DMD: variants seen among roughly 807,000 people sequenced by gnomAD.
The protein encoded by DMD is dystrophin.
Under a neutral mutation model 330.1 loss-of-function variants are expected in DMD, and 63 were observed. The ratio of observed to expected loss-of-function variants is 0.19; its 90% CI spans 0.16 to 0.24. The LOEUF is 0.24. DMD is among the 10% of genes least tolerant of loss of function. The pLI is 1.00. For missense variants in DMD, 3,344 were observed against 2,684.1 expected (o/e 1.25, Z -5.43); for synonymous variants, 1,223 against 959.8 (o/e 1.27, Z -5.07).
intron 60 of DMD, among the ~76,000 whole-genome samples, chrX:31,381,825 C>T (rs2060198344): frequency 8.9e-6 from 1 of 111,910 alleles, no homozygotes; most frequent in African/African-American, 3.3e-5. Flanking sequence ...AAAGAAATAA[C>T]TTCTCAGTGT....
chrX:31,331,447 GA>G (rs989221432), intron 61 of DMD, among the ~76,000 whole-genome samples: 47 of 106,893 alleles, frequency 4.4e-4, no homozygotes, highest in African/African-American at 1.4e-3. Context: ...AAAAAAAAAA[GA>G]AAAAAAAGCT....
At chrX:32,899,002 T>A (rs917443963) in intron 2 of DMD, among the ~76,000 whole-genome samples, 1 of 112,236 alleles carries the variant, frequency 8.9e-6, no homozygotes. Flanking sequence ...TAAAAAAAAG[T>A]GCTCAACTTA....
intron 55 of DMD, among the ~76,000 whole-genome samples, chrX:31,518,631 C>G (rs761709871): frequency 6.5e-5 from 7 of 108,208 alleles, no homozygotes; most frequent in Admixed American, 4.0e-4. Context: ...AACTCTGAGA[C>G]ATATTTGTTT....
At chrX:32,436,688 C>T (rs2098262590) in intron 29 of DMD, among the ~76,000 whole-genome samples, 1 of 111,140 alleles carries the variant, frequency 9.0e-6, no homozygotes, top group Non-Finnish European at 1.9e-5. Flanking sequence ...GGATCTTGGC[C>T]AGGTGTATCT....
intron 7 of DMD, among the ~76,000 whole-genome samples, chrX:32,733,003 G>A (rs2067921212): frequency 9.0e-6 from 1 of 110,862 alleles, no homozygotes; most frequent in African/African-American, 3.3e-5. Context: ...TCAGTGAGCT[G>A]TATTCAGGAA....
chrX:32,342,015 T>G, intron 41 of DMD, 85 bp downstream of exon 41: 3 of 947,266 alleles, frequency 3.2e-6, no homozygotes, highest in Non-Finnish European at 4.3e-6. Context: ...CCCAGATTTT[T>G]TGTCTCTTTT....
chrX:32,804,331 C>G (rs2076799766), intron 7 of DMD, among the ~76,000 whole-genome samples: 2 of 112,171 alleles, frequency 1.8e-5, no homozygotes, highest in African/African-American at 6.5e-5. Context: ...AGGCGGTTTT[C>G]CCTCACAGTG....
intron 63 of DMD, among the ~76,000 whole-genome samples, chrX:31,225,910 C>T (rs926838965): frequency 2.7e-5 from 3 of 112,020 alleles, no homozygotes; most frequent in Non-Finnish European, 5.6e-5. Flanking sequence ...GTTTTGTACC[C>T]ATTGGCTAAT....
intron 55 of DMD, 149 bp from the exon 56 acceptor site, chrX:31,507,602 A>C: frequency 6.5e-5 from 37 of 570,007 alleles, no homozygotes; most frequent in Non-Finnish European, 9.0e-5. Context: ...GATACATCTC[A>C]AATCCCTTTT....
chrX:31,993,892 CAG>C (rs983814699), intron 44 of DMD, among the ~76,000 whole-genome samples: 4 of 111,519 alleles, frequency 3.6e-5, no homozygotes, highest in African/African-American at 9.8e-5. Flanking sequence ...TGGAAGCAAA[CAG>C]AGGAAAACAG....
chrX:32,495,335 A>G (rs959433330), intron 19 of DMD, among the ~76,000 whole-genome samples: 3 of 111,877 alleles, frequency 2.7e-5, no homozygotes, highest in African/African-American at 6.5e-5. Context: ...AACTCATTCA[A>G]TACCAAATCA....
intron 9 of DMD, among the ~76,000 whole-genome samples, chrX:32,665,892 T>C (rs1011768312): frequency 1.2e-4 from 13 of 111,765 alleles, no homozygotes; most frequent in African/African-American, 3.9e-4. Flanking sequence ...TTTATATTTA[T>C]GAAAGATCAT....
intron 43 of DMD, among the ~76,000 whole-genome samples, chrX:32,235,590 T>C (rs1240807375): frequency 9.0e-6 from 1 of 111,696 alleles, no homozygotes; most frequent in Non-Finnish European, 1.9e-5. Context: ...ATTAGATATT[T>C]AATTTGAAGT....
In DMD at chrX:32,880,284, C is replaced by A. The variant is rs867763569; in HGVS notation, c.94-30464G>T. ...AATAGGCTGAAAGCTCCAACAGGGCCAAAAAAAAAAAAGCCTTTTTCAGCT... is the reference window on the plus strand; with the variant it reads ...AATAGGCTGAAAGCTCCAACAGGGCAAAAAAAAAAAAAGCCTTTTTCAGCT... On this transcript the variant is annotated intron_variant, in intron 2 of 78. Transcript: ENST00000357033. Among the ~76,000 whole-genome samples the A allele has an allele frequency of 3.4e-3, 293 of 84,940 alleles. 5 individuals carry two copies. The East Asian group carries it at 0.052, about 15-fold the overall frequency. 73.8% of individuals were successfully genotyped at this position (84,940 alleles called of 115,157 possible). A position where few individuals can be genotyped will look rare whatever the true frequency, so the allele number is the denominator to read the frequency against.
chrX:31,178,608 A>G, intron 70 of DMD, 61 bp downstream of exon 70: 1 of 1,150,163 alleles, frequency 8.7e-7, no homozygotes. Flanking sequence ...GAGGGTGTTC[A>G]GCTGAGAGGA....
Position 31,248,058 on chromosome X carries a change from A to C in DMD, c.9286+12897T>G, listed in dbSNP as rs1414312297. Among the ~76,000 whole-genome samples, 3 of 112,180 alleles carry C rather than the reference A, an allele frequency of 2.7e-5. No individual in the cohort carries two copies. In the East Asian group the frequency reaches 8.3e-4, roughly 31 times the overall value. ...CTGTGCAGCCATCAACATCGAGGCA[A>C]GACCCTCCACCAGCAAAAGGATCAT... On this transcript the variant is annotated intron_variant, in intron 63 of 78. Transcript: ENST00000357033.
At chrX:32,351,996 T>TA (rs1381489747) in intron 37 of DMD, among the ~76,000 whole-genome samples, 2 of 111,067 alleles carry the variant, frequency 1.8e-5, no homozygotes, top group Non-Finnish European at 3.8e-5. Context: ...GCATTTTGTT[T>TA]AAAAAAATTA....
intron 1 of DMD, among the ~76,000 whole-genome samples, chrX:33,059,609 C>T (rs1289555147): frequency 9.0e-6 from 1 of 111,566 alleles, no homozygotes; most frequent in African/African-American, 3.3e-5. Flanking sequence ...TTGAAACAAC[C>T]TACCTTGCAG....
chrX:32,646,870 G>A (rs775365663), intron 9 of DMD, among the ~76,000 whole-genome samples: 32 of 111,162 alleles, frequency 2.9e-4, no homozygotes, highest in Non-Finnish European at 5.1e-4. Context: ...CAAAATCACC[G>A]AACTTCATCA....
Sources: gnomAD v4.1 joint callset for allele counts (sites outside exome capture counted in the v4.1 genomes callset) on GRCh38, gnomAD v4.1.1 for gene constraint, MANE v1.5 for transcripts, NCBI Gene and HGNC (gene_info 2026-07-23, HGNC 2026-07-21) for gene names.